Variants in EGF observed in about 807,000 individuals in gnomAD.
EGF encodes the protein pro-epidermal growth factor.
In EGF, 95 loss-of-function variants were observed where a neutral mutation model predicts 143.8. The observed-to-expected ratio is 0.66, with a 90% CI of 0.56 to 0.78. The LOEUF (loss-of-function observed/expected upper bound fraction) is 0.78, where lower values mean the gene tolerates loss of function less well. EGF is among the 30% of genes least tolerant of loss of function. The probability of loss-of-function intolerance (pLI) is 0.00; values close to 1 mark genes in which losing one functional copy is unlikely to be tolerated. For missense variants in EGF, 1,320 were observed against 1,470.9 expected, an observed-to-expected ratio of 0.90 and a Z score of 1.68; for synonymous variants, 510 against 510.5, an observed-to-expected ratio of 1.00 and a Z score of 0.01.
At chr4:109,969,362 C>T (rs1262435865) in intron 11 of EGF, among the ~76,000 whole-genome samples, 1 of 152,080 alleles carries the variant, frequency 6.6e-6, no homozygotes, top group African/African-American at 2.4e-5. Flanking sequence ...AAAAGAAAAC[C>T]AAACACTGCA....
chr4:109,917,213 T>C (rs559119610), intron 1 of EGF, among the ~76,000 whole-genome samples: 38 of 152,344 alleles, frequency 2.5e-4, no homozygotes, highest in African/African-American at 8.9e-4. Context: ...TTTAAAGCTA[T>C]TAAAAGCATA....
At chr4:109,958,725 C>T (rs41528446) in intron 5 of EGF, among the ~76,000 whole-genome samples, 1,834 of 151,872 alleles carry the variant, frequency 0.012, 32 homozygotes, top group African/African-American at 0.042. Context: ...GGTAGGAGTT[C>T]GAGACCAGCC....
intron 1 of EGF, among the ~76,000 whole-genome samples, chr4:109,923,812 G>A (rs916736128): frequency 6.6e-6 from 1 of 151,338 alleles, no homozygotes; most frequent in African/African-American, 2.5e-5. Context: ...GTAGAGACAG[G>A]ATTTCGCCAT....
At chr4:109,964,767 T>G (rs1298677276) in intron 10 of EGF, among the ~76,000 whole-genome samples, 1 of 152,168 alleles carries the variant, frequency 6.6e-6, no homozygotes, top group Non-Finnish European at 1.5e-5. Flanking sequence ...TTATTGGAAA[T>G]GATCACACAG....
chr4:109,982,262 G>C (rs1749486389), intron 15 of EGF, among the ~76,000 whole-genome samples: 1 of 151,740 alleles, frequency 6.6e-6, no homozygotes, highest in South Asian at 2.1e-4. Flanking sequence ...TCCCACCTCG[G>C]CCTCCCAAAG....
chr4:109,920,349 T>C (rs1198334697), intron 1 of EGF, among the ~76,000 whole-genome samples: 2 of 151,644 alleles, frequency 1.3e-5, no homozygotes, highest in African/African-American at 4.9e-5. Flanking sequence ...ATAACTATCC[T>C]CAATAGCTGG....
chr4:109,916,263 C>T (rs1229299145), intron 1 of EGF, among the ~76,000 whole-genome samples: 2 of 152,096 alleles, frequency 1.3e-5, no homozygotes, highest in African/African-American at 2.4e-5. Context: ...AGACCAGAAG[C>T]TTGTCTGTTT....
intron 1 of EGF, 173 bp from the exon 2 acceptor site, chr4:109,940,773 G>A (rs1201501689): frequency 3.0e-5 from 19 of 632,690 alleles, no homozygotes; most frequent in Middle Eastern, 4.3e-4. Context: ...TTTACAAAGT[G>A]GAGTGTGAAT....
intron 13 of EGF, among the ~76,000 whole-genome samples, chr4:109,978,591 A>G (rs915866552): frequency 2.0e-5 from 3 of 152,212 alleles, no homozygotes; most frequent in Non-Finnish European, 4.4e-5. Context: ...GTGGGAGAGG[A>G]AATGAGAAGT....
chr4:109,947,179 GA>G (rs11433359), intron 5 of EGF, among the ~76,000 whole-genome samples: 1 of 151,782 alleles, frequency 6.6e-6, no homozygotes, highest in Middle Eastern at 3.4e-3. Flanking sequence ...GGGGCCTACA[GA>G]AAAAAAGTTG....
At position 109,928,138 on chromosome 4, in the gene EGF, C is replaced by T. The variant is rs1739058922; in HGVS notation, c.128-12808C>T. ...GAGAAAGTTCAGAAACGGACTCACA[C>T]AAGTACACTCATTTGATATTTAACA... On this transcript the variant is annotated intron_variant, in intron 1 of 23. Coordinates refer to ENST00000265171, the MANE Select transcript of EGF (RefSeq NM_001963.6). 2.0e-5 allele frequency among the ~76,000 whole-genome samples: 3 copies of T among 152,092 alleles called. No homozygotes were observed. The South Asian group carries it at 6.2e-4, about 31-fold the overall frequency.
chr4:109,959,220 G>A, intron 5 of EGF, 92 bp from the exon 6 acceptor site: 2 of 1,581,788 alleles, frequency 1.3e-6, no homozygotes, highest in South Asian at 2.3e-5. Flanking sequence ...GACGTTGTAG[G>A]GAGGTAAGAC....
intron 8 of EGF, among the ~76,000 whole-genome samples, chr4:109,962,488 T>C (rs980150988): frequency 6.6e-6 from 1 of 152,154 alleles, no homozygotes; most frequent in Non-Finnish European, 1.5e-5. Context: ...GATTTTCTAA[T>C]AAAACAAAGC....
intron 19 of EGF, among the ~76,000 whole-genome samples, chr4:109,994,213 T>G (rs1751449021): frequency 6.6e-6 from 1 of 152,164 alleles, no homozygotes; most frequent in Non-Finnish European, 1.5e-5. Flanking sequence ...AACATTTTCT[T>G]CCTGCCAGAG....
In EGF at chr4:109,944,168, G is replaced by A. The variant is rs140879636; in HGVS notation, c.737+99G>A. 1.6e-3 allele frequency: 2,174 copies of A among 1,327,366 alleles called. 26 individuals carry two copies. The African/African-American group carries it at 0.028, about 17-fold the overall frequency. The allele number at this position is 1,327,366 out of a possible 1,614,324, so 82.2% of individuals were successfully genotyped here. On this transcript the variant is annotated intron_variant, in intron 4 of 23. Coordinates refer to ENST00000265171, the MANE Select transcript of EGF (RefSeq NM_001963.6). ...TCAATGGAACTGGTATAGTGGTTTA[G>A]GCCATAGATTTTGAATCCAAAAGAC...
At position 109,994,895 on chromosome 4, in the gene EGF, C is replaced by G; in HGVS notation, c.3005+15C>G. On this transcript the variant is annotated intron_variant, in intron 20 of 23. Transcript: ENST00000265171. ...TATGCATGCAAGTAAGTTAAACTGT[C>G]TTGCTGATGGCACAGAGAGATGCTA... is the stretch of plus-strand genomic sequence containing the variant. The G allele has an allele frequency of 1.2e-6, 2 of 1,614,036 alleles. No individual in the cohort carries two copies. The highest frequency in any genetic ancestry group is 8.5e-7 in the Non-Finnish European group (1 of 1,179,940).
At chr4:109,974,335 G>A (rs1030468257) in intron 11 of EGF, among the ~76,000 whole-genome samples, 1 of 152,180 alleles carries the variant, frequency 6.6e-6, no homozygotes, top group Non-Finnish European at 1.5e-5. Flanking sequence ...ATCCCATGAG[G>A]ATAACAGTCT....
intron 5 of EGF, among the ~76,000 whole-genome samples, chr4:109,951,712 G>A (rs558672132): frequency 3.0e-4 from 46 of 152,304 alleles, no homozygotes; most frequent in African/African-American, 1.1e-3. Flanking sequence ...AGATGTCACA[G>A]TACCCTGTTG....
chr4:109,972,394 A>G (rs1328753191), intron 11 of EGF, among the ~76,000 whole-genome samples: 1 of 152,090 alleles, frequency 6.6e-6, no homozygotes, highest in African/African-American at 2.4e-5. Flanking sequence ...TCGTCTCATC[A>G]CTTAATTCCT....
Sources: gnomAD v4.1 joint callset for allele counts (sites outside exome capture counted in the v4.1 genomes callset) on GRCh38, gnomAD v4.1.1 for gene constraint, MANE v1.5 for transcripts, NCBI Gene and HGNC (gene_info 2026-07-23, HGNC 2026-07-21) for gene names.